Variants in WDR19 observed in about 807,000 individuals in gnomAD.
The protein encoded by WDR19 is WD repeat domain 19.
A neutral mutation model predicts 180.0 loss-of-function variants in WDR19; 121 were observed. That is an observed-to-expected ratio of 0.67 (90% CI 0.58 to 0.78). The LOEUF (loss-of-function observed/expected upper bound fraction) is 0.78. Among genes scored for constraint, WDR19 ranks in the 30% least tolerant of loss-of-function variants. The pLI is 0.00. For synonymous variants in WDR19, 497 were observed against 540.7 expected (o/e 0.92, Z 1.12); for missense variants, 1,450 against 1,640.7 (o/e 0.88, Z 2.01).
intron 17 of WDR19, among the ~76,000 whole-genome samples, chr4:39,229,643 T>C (rs1001904399): frequency 2.0e-5 from 3 of 152,196 alleles, no homozygotes; most frequent in African/African-American, 7.2e-5. Flanking sequence ...CTGCTGTTTA[T>C]TGGGGTCTCA....
At position 39,185,860 on chromosome 4, in the gene WDR19, T is replaced by C. The variant is rs760558416; in HGVS notation, c.98+43T>C. On this transcript the variant is annotated intron_variant, in intron 2 of 36. Transcript: ENST00000399820. ...GTTTTAAGCAGTGGTTGCATGCCCA[T>C]GTAATCACACCATCTACTCAGTAGA... 3 of 1,465,614 alleles carry C rather than the reference T, an allele frequency of 2.0e-6. No individual in the cohort carries two copies. In the South Asian group the frequency reaches 3.8e-5, roughly 18 times the overall value. The allele number at this position is 1,465,614 out of a possible 1,614,324, so 90.8% of individuals were successfully genotyped here. A position where few individuals can be genotyped will look rare whatever the true frequency, so the allele number is the denominator to read the frequency against.
At position 39,253,974 on chromosome 4, in the gene WDR19, A is replaced by G. The variant is rs923164828; in HGVS notation, c.2945A>G (p.Glu982Gly). ...CTTGTCATGTCCAAATGCAACAATG[A>G]AGCTTTCACACTGGCTCAGCAACAC... is the stretch of plus-strand genomic sequence containing the variant. ...QFLVMSKCNN[E>G]AFTLAQQHNK... is the part of the protein sequence containing the mutation. The change falls in exon 26 of 37, where the codon GAA (glutamate) becomes GGA (glycine). Residue 982 changes from glutamate (E) to glycine (G), a missense_variant. Coordinates refer to ENST00000399820, the MANE Select transcript of WDR19 (RefSeq NM_025132.4). 3.7e-6 allele frequency: 6 copies of G among 1,612,670 alleles called. No individual in the cohort carries two copies. The African/African-American group carries it at 6.7e-5, about 18-fold the overall frequency.
chr4:39,208,085 C>T (rs1194676257), intron 9 of WDR19, among the ~76,000 whole-genome samples: 2 of 151,798 alleles, frequency 1.3e-5, no homozygotes, highest in Admixed American at 6.6e-5. Context: ...CTAGAGCAAC[C>T]TCTAAGAAAA....
At position 39,273,115 on chromosome 4, in the gene WDR19, C is replaced by T. The variant is rs1216874468; in HGVS notation, c.3565+54C>T. The T allele has an allele frequency of 2.2e-6, 3 of 1,388,872 alleles. No homozygotes were observed. The Admixed American group carries it at 7.1e-5, about 33-fold the overall frequency. The allele number at this position is 1,388,872 out of a possible 1,614,324, so 86.0% of individuals were successfully genotyped here. A position where few individuals can be genotyped will look rare whatever the true frequency, so the allele number is the denominator to read the frequency against. Reference sequence around the variant, plus strand: ...CATGCCCCATGCCCCATGCCGCATGCTAGCCCAGCGCCCCTTTTGCAGGCT... The same window carrying T: ...CATGCCCCATGCCCCATGCCGCATGTTAGCCCAGCGCCCCTTTTGCAGGCT... On this transcript the variant is annotated intron_variant, in intron 32 of 36. Coordinates refer to ENST00000399820, the MANE Select transcript of WDR19 (RefSeq NM_025132.4).
At chr4:39,226,436 A>T (rs1293388098) in intron 15 of WDR19, among the ~76,000 whole-genome samples, 1 of 152,238 alleles carries the variant, frequency 6.6e-6, no homozygotes, top group African/African-American at 2.4e-5. Context: ...GTAAGCTTTT[A>T]GTATAGTGTT....
At chr4:39,211,106 A>C (rs1182573395) in intron 9 of WDR19, among the ~76,000 whole-genome samples, 1 of 151,990 alleles carries the variant, frequency 6.6e-6, no homozygotes, top group Non-Finnish European at 1.5e-5. Context: ...TGGGAGGATC[A>C]CTTGAGCCTG....
At chr4:39,272,860 C>T in intron 31 of WDR19, 120 bp from the exon 32 acceptor site, 6 of 785,082 alleles carry the variant, frequency 7.6e-6, no homozygotes, top group Non-Finnish European at 1.2e-5. Flanking sequence ...CCAGGAAAGT[C>T]TACAAGGATC....
rs913185651 is a variant in WDR19, at chr4:39,276,927, A to G, written c.3717-93A>G. The G allele has an allele frequency of 1.1e-5, 17 of 1,512,850 alleles. No individual in the cohort carries two copies. In the African/African-American group the frequency reaches 1.9e-4, roughly 17 times the overall value. The allele number at this position is 1,512,850 out of a possible 1,614,324, so 93.7% of individuals were successfully genotyped here. A position where few individuals can be genotyped will look rare whatever the true frequency, so the allele number is the denominator to read the frequency against. ...AGTCTGACTATGAAGTAGGTGTGTC[A>G]TATGTCCCTGGTTTTCCAAATATGC... On this transcript the variant is annotated intron_variant, in intron 33 of 36. Coordinates refer to ENST00000399820, the MANE Select transcript of WDR19 (RefSeq NM_025132.4).
At position 39,231,816 on chromosome 4, in the gene WDR19, A is replaced by G; in HGVS notation, c.2002A>G (p.Met668Val). ...MLKRFSDAWE[M>V]CRILNDEAAW... The stretch of plus-strand genomic sequence containing the variant: ...TCCCAGGTTTTCTGATGCTTGGGAA[A>G]TGTGCAGGATTCTGAATGATGAGGC... Residue 668 changes from methionine to valine, a missense_variant, in exon 18 of 37, where the codon ATG (methionine) becomes GTG (valine). Transcript: ENST00000399820. 1 of 1,584,196 alleles carries G rather than the reference A, an allele frequency of 6.3e-7. No individual in the cohort carries two copies.
intron 18 of WDR19, 35 bp from the exon 19 acceptor site, chr4:39,232,127 A>T (rs1560518390): frequency 1.9e-6 from 3 of 1,563,940 alleles, no homozygotes; most frequent in Non-Finnish European, 1.7e-6. Context: ...AAACTCTTGC[A>T]TTTTTTTTCT....
intron 36 of WDR19, among the ~76,000 whole-genome samples, chr4:39,284,502 CT>C (rs34086720): frequency 0.51 from 75,265 of 146,754 alleles, 20,869 homozygotes; most frequent in African/African-American, 0.74. Context: ...CCATACCCAG[CT>C]TTTTTTTTTC....
rs1726519341 is a variant in WDR19, at chr4:39,194,590, G to A, written c.337G>A (p.Ala113Thr). Residue 113 changes from alanine to threonine, a missense_variant, in exon 5 of 37, where the codon GCT (alanine) becomes ACT (threonine). Physicochemically the swap from Ala to Thr is moderately conservative, Grantham distance 58. Coordinates refer to ENST00000399820, the MANE Select transcript of WDR19 (RefSeq NM_025132.4). ...TTGGTCAAAAGTTGGAAGTTTCCTG[G>A]CTGTTGGAACTGTTAAAGGAAATTT... The part of the protein sequence containing the change: ...LLWSKVGSFL[A>T]VGTVKGNLLI... The A allele has an allele frequency of 1.2e-6, 2 of 1,613,238 alleles. No homozygotes were observed. The highest frequency in any genetic ancestry group is 1.7e-6 in the Non-Finnish European group (2 of 1,179,544).
intron 23 of WDR19, among the ~76,000 whole-genome samples, chr4:39,244,976 C>T (rs1344842149): frequency 1.5e-5 from 2 of 137,298 alleles, no homozygotes; most frequent in Non-Finnish European, 3.0e-5. Context: ...CTCTCTGTTG[C>T]TCAGGCTGAA....
At chr4:39,271,880 G>C (rs2109504015) in intron 31 of WDR19, among the ~76,000 whole-genome samples, 1 of 152,272 alleles carries the variant, frequency 6.6e-6, no homozygotes, top group Middle Eastern at 3.4e-3. Context: ...CCTGGCTATG[G>C]AGCACTTGAA....
At chr4:39,264,669 A>G (rs955702428) in intron 28 of WDR19, among the ~76,000 whole-genome samples, 4 of 152,184 alleles carry the variant, frequency 2.6e-5, no homozygotes, top group African/African-American at 9.6e-5. Flanking sequence ...TTACCATGAC[A>G]AGACTGTTCA....
rs371351486 is a variant in WDR19, at chr4:39,282,187, C to G, written c.*14-3300C>G. ...CACATCATATCACAAGCCCTGCCCA[C>G]ACTCAAGAGGAAGGTATTACATAGG... is the stretch of plus-strand genomic sequence containing the variant. On this transcript the variant is annotated intron_variant, in intron 36 of 36. Transcript: ENST00000399820. Among the ~76,000 whole-genome samples the G allele has an allele frequency of 5.9e-5, 9 of 152,282 alleles. No homozygotes were observed. In the East Asian group the frequency reaches 1.7e-3, roughly 29 times the overall value.
chr4:39,284,582 T>A, intron 36 of WDR19, among the ~76,000 whole-genome samples: 1 of 141,252 alleles, frequency 7.1e-6, no homozygotes. Flanking sequence ...CAAGTGATCC[T>A]CCCACCTCAG....
intron 5 of WDR19, 136 bp from the exon 6 acceptor site, chr4:39,199,342 G>A (rs755790413): frequency 6.8e-5 from 44 of 649,586 alleles, no homozygotes; most frequent in Non-Finnish European, 9.9e-5. Context: ...TTTTAAATAA[G>A]GTTGCGTAGA....
intron 36 of WDR19, among the ~76,000 whole-genome samples, chr4:39,282,827 A>G (rs1234320794): frequency 6.6e-6 from 1 of 152,126 alleles, no homozygotes; most frequent in Non-Finnish European, 1.5e-5. Flanking sequence ...AGGAAAGTGC[A>G]ATTAATTTTT....
Sources: allele counts gnomAD v4.1 joint callset (sites outside exome capture counted in the v4.1 genomes callset), GRCh38; gene constraint gnomAD v4.1.1; transcripts MANE v1.5; gene names NCBI Gene and HGNC (gene_info 2026-07-23, HGNC 2026-07-21).